GPRC5B: variants seen among roughly 807,000 people sequenced by gnomAD.
GPRC5B encodes the protein G protein-coupled receptor class C group 5 member B, also known as G protein-coupled receptor family C group 5 member B.
GPRC5B carries 16 observed loss-of-function variants against 30.1 expected under a neutral mutation model. The ratio of observed to expected loss-of-function variants is 0.53; its 90% CI spans 0.36 to 0.81. GPRC5B has a LOEUF of 0.81. GPRC5B is among the 30% of genes least tolerant of loss of function. The pLI is 0.01. For synonymous variants in GPRC5B, 241 were observed against 239.5 expected (o/e 1.01, Z -0.06); for missense variants, 428 against 544.7 (o/e 0.79, Z 2.13).
intron 2 of GPRC5B, 25 bp downstream of exon 2, chr16:19,871,791 C>G: frequency 5.6e-6 from 9 of 1,599,402 alleles, no homozygotes; most frequent in African/African-American, 1.3e-5. Flanking sequence ...CCCGGCCTGA[C>G]CCAGCCGGGT....
chr16:19,869,838 G>A (rs2056699511), intron 2 of GPRC5B, among the ~76,000 whole-genome samples: 1 of 152,176 alleles, frequency 6.6e-6, no homozygotes, highest in South Asian at 2.1e-4. Context: ...TTGGGAAGCT[G>A]AGGTGGGGGG....
chr16:19,884,986 G>T (rs1210135227), upstream of GPRC5B: 5 of 648,778 alleles, frequency 7.7e-6, no homozygotes, highest in African/African-American at 2.0e-5. Context: ...TCCCGCCGGC[G>T]GTTCCGCGCG....
rs745760796 is a variant in GPRC5B, at chr16:19,862,053, C to A, written c.1031-80G>T. 8 of 1,366,274 alleles carry A rather than the reference C, an allele frequency of 5.9e-6. No individual in the cohort carries two copies. In the East Asian group the frequency reaches 1.7e-4, roughly 28 times the overall value. The allele number at this position is 1,366,274 out of a possible 1,614,324, so 84.6% of individuals were successfully genotyped here. A position where few individuals can be genotyped will look rare whatever the true frequency, so the allele number is the denominator to read the frequency against. On this transcript the variant is annotated intron_variant, in intron 2 of 3. Transcript: ENST00000300571. ...GTTTTCTTCCCCTGCAACAACAGCGCGCTCCGGGCACCCCCATCCACCCAA... is the reference window on the plus strand; with the variant it reads ...GTTTTCTTCCCCTGCAACAACAGCGAGCTCCGGGCACCCCCATCCACCCAA...
rs569162195 is a variant in GPRC5B at position 19,867,745 on chromosome 16, C to T, written c.1030+4071G>A. 8.5e-5 allele frequency among the ~76,000 whole-genome samples: 13 copies of T among 152,212 alleles called. No individual in the cohort carries two copies. The South Asian group carries it at 2.1e-3, about 24-fold the overall frequency. On this transcript the variant is annotated intron_variant, in intron 2 of 3. Coordinates refer to ENST00000300571, the MANE Select transcript of GPRC5B (RefSeq NM_016235.3). Reference sequence around the variant, plus strand: ...GGGTGGAGGCTTCGTGAGTGAGATTCGTGTCCTTATAAAAGAGGCTCCAAG... The same window carrying T: ...GGGTGGAGGCTTCGTGAGTGAGATTTGTGTCCTTATAAAAGAGGCTCCAAG...
intron 2 of GPRC5B, chr16:19,862,310 A>G (rs942037692): frequency 3.4e-6 from 1 of 293,590 alleles, no homozygotes; most frequent in Non-Finnish European, 6.5e-6. Flanking sequence ...CCATTCATGT[A>G]AAGTTCAGCA....
At chr16:19,864,996 C>T (rs1477789059) in intron 2 of GPRC5B, among the ~76,000 whole-genome samples, 2 of 150,938 alleles carry the variant, frequency 1.3e-5, no homozygotes, top group African/African-American at 4.9e-5. Context: ...CCTCGACCTC[C>T]GTAGCTCAAG....
chr16:19,878,008 A>G (rs367818561), intron 1 of GPRC5B, among the ~76,000 whole-genome samples: 1 of 151,986 alleles, frequency 6.6e-6, no homozygotes, highest in East Asian at 2.0e-4. Context: ...AGACCAGTCT[A>G]GCCAACATGG....
Position 19,860,492 on chromosome 16 carries a change from A to G in GPRC5B, c.*8T>C, listed in dbSNP as rs769394087. 10 of 1,563,696 alleles carry G rather than the reference A, an allele frequency of 6.4e-6. No homozygotes were observed. The highest frequency in any genetic ancestry group is 4.5e-5 in the East Asian group (2 of 44,646). On this transcript the variant is annotated 3_prime_UTR_variant, in exon 4 of 4. Transcript: ENST00000300571. ...GAGAAATTCTGATTCTCTGGAACTT[A>G]AAGTCTTTCACCAAAGGTGTCTTCC... is the stretch of plus-strand genomic sequence containing the variant.
rs1315530567 is a variant in GPRC5B at position 19,857,536 on chromosome 16, A to C, written c.*2964T>G. 1 of 399,058 alleles carries C rather than the reference A, an allele frequency of 2.5e-6. No homozygotes were observed. Among genetic ancestry groups the C allele is most frequent in the East Asian group, 7.8e-5 (1 of 12,784 alleles). The allele number at this position is 399,058 out of a possible 1,614,324, so 24.7% of individuals were successfully genotyped here. A position where few individuals can be genotyped will look rare whatever the true frequency, so the allele number is the denominator to read the frequency against. ...ATTTAATAAATATATATTATCTATC[A>C]AAAGTGAGCCTTAGCTCTTCATCAG... On this transcript the variant is annotated 3_prime_UTR_variant, in exon 4 of 4. Coordinates refer to ENST00000300571, the MANE Select transcript of GPRC5B (RefSeq NM_016235.3).
At chr16:19,883,241 C>A (rs187962979) in intron 1 of GPRC5B, among the ~76,000 whole-genome samples, 2 of 149,106 alleles carry the variant, frequency 1.3e-5, no homozygotes, top group African/African-American at 5.1e-5. Context: ...ATCTTTCTAA[C>A]AAAACTGCCT....
In GPRC5B at chr16:19,873,291, C is replaced by T. The variant is rs551901168; in HGVS notation, c.-1-445G>A. Among the ~76,000 whole-genome samples, 6 of 151,906 alleles carry T rather than the reference C, an allele frequency of 3.9e-5. No individual in the cohort carries two copies. In the South Asian group the frequency reaches 8.3e-4, roughly 21 times the overall value. ...CAGCCTGGCCAACACAGTAAAACAC[C>T]GTCTCTACTAAAAAATACAAAAATT... On this transcript the variant is annotated intron_variant, in intron 1 of 3. Coordinates refer to ENST00000300571, the MANE Select transcript of GPRC5B (RefSeq NM_016235.3).
chr16:19,884,883 T>C, upstream of GPRC5B: 1 of 936,760 alleles, frequency 1.1e-6, no homozygotes, highest in Non-Finnish European at 1.3e-6. Flanking sequence ...AGGCGCCCCC[T>C]GGCCCGGCCC....
At chr16:19,881,113 C>G (rs147802996) in intron 1 of GPRC5B, 59 of 152,402 alleles carry the variant, frequency 3.9e-4, no homozygotes, top group African/African-American at 1.4e-3. Context: ...ACAGTTCACT[C>G]TCCCATCAGG....
rs557581716 is a variant in GPRC5B, at chr16:19,871,621, TCAAACAAACAGA to T, written c.1030+183_1030+194del. On this transcript the variant is annotated intron_variant, in intron 2 of 3. Transcript: ENST00000300571. Reference sequence around the variant, plus strand: ...TGGGTGACAAGAGCGAAAATCTGTCTCAAACAAACAGACAAACAAACAACCCAAACCCATATC... The same window carrying T: ...TGGGTGACAAGAGCGAAAATCTGTCTCAAACAAACAACCCAAACCCATATC... 8.7e-3 allele frequency among the ~76,000 whole-genome samples: 1,327 copies of T among 152,244 alleles called. 13 individuals are homozygous for T. Among genetic ancestry groups the T allele is most frequent in the African/African-American group, 0.03 (1,264 of 41,546 alleles).
At chr16:19,866,952 A>G (rs2056672961) in intron 2 of GPRC5B, among the ~76,000 whole-genome samples, 1 of 152,174 alleles carries the variant, frequency 6.6e-6, no homozygotes, top group Admixed American at 6.5e-5. Context: ...GAGCCCTTGC[A>G]TCTCTGGATC....
At chr16:19,880,726 G>C (rs537459424) in intron 1 of GPRC5B, among the ~76,000 whole-genome samples, 2 of 152,234 alleles carry the variant, frequency 1.3e-5, no homozygotes, top group African/African-American at 4.8e-5. Context: ...TGCGGAGTCA[G>C]ACCCAGGACA....
intron 1 of GPRC5B, among the ~76,000 whole-genome samples, chr16:19,873,980 A>G (rs2056742735): frequency 6.6e-6 from 1 of 151,992 alleles, no homozygotes; most frequent in African/African-American, 2.4e-5. Flanking sequence ...ACTAGGTTTC[A>G]CCATGTTGGC....
intron 1 of GPRC5B, among the ~76,000 whole-genome samples, chr16:19,881,450 C>T (rs577889622): frequency 3.3e-5 from 5 of 152,056 alleles, no homozygotes; most frequent in African/African-American, 9.6e-5. Context: ...GTGCCCGACA[C>T]AGAGGAAGCA....
chr16:19,877,657 C>T lies in GPRC5B; in HGVS notation c.-1-4811G>A, dbSNP rs571317006. Among the ~76,000 whole-genome samples, 5 of 152,290 alleles carry T rather than the reference C, an allele frequency of 3.3e-5. No homozygotes were observed. The South Asian group carries it at 6.2e-4, about 19-fold the overall frequency. On this transcript the variant is annotated intron_variant, in intron 1 of 3. Transcript: ENST00000300571. ...TGTTCTAGGCACTCTGTGTACTTCGCGTATATTAATACCTAATGATCCACA... is the reference window on the plus strand; with the variant it reads ...TGTTCTAGGCACTCTGTGTACTTCGTGTATATTAATACCTAATGATCCACA...
Sources: allele counts gnomAD v4.1 joint callset (sites outside exome capture counted in the v4.1 genomes callset), GRCh38; gene constraint gnomAD v4.1.1; transcripts MANE v1.5; gene names NCBI Gene and HGNC (gene_info 2026-07-23, HGNC 2026-07-21).